Variants in UTS2 observed in about 807,000 individuals in gnomAD.
UTS2 encodes urotensin-2.
UTS2 carries 10 observed loss-of-function variants against 12.6 expected under a neutral mutation model. That is an observed-to-expected ratio of 0.80 (90% CI 0.49 to 1.35). The LOEUF (loss-of-function observed/expected upper bound fraction) is 1.35, where lower values mean the gene tolerates loss of function less well. Ranked by LOEUF, UTS2 falls within the 40% of genes most tolerant of loss-of-function variation. UTS2 has a pLI of 0.00. For synonymous variants in UTS2, 52 were observed against 50.0 expected, an observed-to-expected ratio of 1.04 and a Z score of -0.17; for missense variants, 142 against 143.2, an observed-to-expected ratio of 0.99 and a Z score of 0.04.
At chr1:7,895,097 G>A in the UTS2 span, among the ~76,000 whole-genome samples, 6 of 152,226 alleles carry the variant, frequency 3.9e-5, no homozygotes, top group South Asian at 2.1e-4. Flanking sequence ...GGCCTGGCAC[G>A]GTGGCTCACA....
chr1:7,907,521 A>T, the UTS2 span, among the ~76,000 whole-genome samples: 1 of 152,150 alleles, frequency 6.6e-6, no homozygotes, highest in South Asian at 2.1e-4. Context: ...AAAAAAATTT[A>T]AAAATTAGAA....
chr1:7,881,667 G>GGATC, the UTS2 span, among the ~76,000 whole-genome samples: 1 of 152,122 alleles, frequency 6.6e-6, no homozygotes. Flanking sequence ...TCATGTTCAT[G>GGATC]GATCAGAAGA....
chr1:7,891,589 AAAG>A, the UTS2 span, among the ~76,000 whole-genome samples: 3 of 150,994 alleles, frequency 2.0e-5, no homozygotes, highest in East Asian at 5.8e-4. Context: ...AGAAAGAAAG[AAAG>A]AAAGAAAATT....
chr1:7,890,373 G>C, the UTS2 span, among the ~76,000 whole-genome samples: 3 of 152,018 alleles, frequency 2.0e-5, no homozygotes, highest in African/African-American at 4.8e-5. Context: ...CTCTCCCTAA[G>C]GGCCATGGAC....
intron 3 of UTS2, among the ~76,000 whole-genome samples, chr1:7,848,602 C>A (rs149261904): frequency 6.6e-6 from 1 of 152,158 alleles, no homozygotes; most frequent in Non-Finnish European, 1.5e-5. Context: ...CTCACTGCAA[C>A]CCCCGCCTCC....
intron 1 of UTS2, among the ~76,000 whole-genome samples, chr1:7,852,393 GTCTATGAAC>G (rs1288612635): frequency 6.6e-6 from 1 of 152,172 alleles, no homozygotes; most frequent in African/African-American, 2.4e-5. Flanking sequence ...ATACTTGGAA[GTCTATGAAC>G]TCCCTAGTTC....
At chr1:7,862,591 G>A in the UTS2 span, among the ~76,000 whole-genome samples, 1 of 152,126 alleles carries the variant, frequency 6.6e-6, no homozygotes, top group African/African-American at 2.4e-5. Flanking sequence ...ATGGCAGAAG[G>A]CAAGGGGGAG....
the UTS2 span, among the ~76,000 whole-genome samples, chr1:7,889,284 T>G: frequency 2.2e-5 from 3 of 136,944 alleles, no homozygotes; most frequent in Non-Finnish European, 4.7e-5. Flanking sequence ...AAAAAAAAAT[T>G]TACAAAAACT....
At chr1:7,894,840 G>C in the UTS2 span, among the ~76,000 whole-genome samples, 1 of 151,962 alleles carries the variant, frequency 6.6e-6, no homozygotes, top group East Asian at 1.9e-4. Flanking sequence ...TTAGCCGGGA[G>C]TGGTGGCACA....
the UTS2 span, among the ~76,000 whole-genome samples, chr1:7,888,958 C>G: frequency 1.3e-5 from 2 of 152,086 alleles, no homozygotes; most frequent in Non-Finnish European, 2.9e-5. Context: ...GATTTCTTCA[C>G]CAGCAGATTG....
upstream of UTS2, among the ~76,000 whole-genome samples, chr1:7,856,174 G>T (rs774211394): frequency 6.9e-6 from 1 of 144,636 alleles, no homozygotes; most frequent in African/African-American, 2.6e-5. Context: ...AGGCAGACTC[G>T]ATAAATATTT....
chr1:7,903,022 TC>T, the UTS2 span, among the ~76,000 whole-genome samples: 32 of 69,156 alleles, frequency 4.6e-4, no homozygotes, highest in African/African-American at 3.6e-3. Flanking sequence ...TTCCCCTCCT[TC>T]CCCTCCTCCC....
chr1:7,912,161 T>A, the UTS2 span, among the ~76,000 whole-genome samples: 17 of 152,150 alleles, frequency 1.1e-4, no homozygotes, highest in South Asian at 3.3e-3. Context: ...TCAAGATAGA[T>A]CCCTAGTGGC....
chr1:7,885,823 T>C, the UTS2 span, among the ~76,000 whole-genome samples: 5 of 95,776 alleles, frequency 5.2e-5, no homozygotes, highest in Non-Finnish European at 1.0e-4. Context: ...AAAGGTGAGG[T>C]GGGGAAATCA....
chr1:7,899,181 C>T, the UTS2 span, among the ~76,000 whole-genome samples: 4 of 152,128 alleles, frequency 2.6e-5, no homozygotes, highest in Admixed American at 6.5e-5. Flanking sequence ...CCAATCACCT[C>T]CCACCAGGCC....
the UTS2 span, among the ~76,000 whole-genome samples, chr1:7,883,864 G>C: frequency 6.6e-6 from 1 of 151,254 alleles, no homozygotes; most frequent in Admixed American, 6.6e-5. Flanking sequence ...TTTTGAGATG[G>C]AGTTTTGCTC....
At chr1:7,896,590 T>G in the UTS2 span, among the ~76,000 whole-genome samples, 1 of 152,120 alleles carries the variant, frequency 6.6e-6, no homozygotes, top group Non-Finnish European at 1.5e-5. Flanking sequence ...GTAAAAATTT[T>G]TATAATATAG....
chr1:7,879,721 A>G, the UTS2 span, among the ~76,000 whole-genome samples: 1 of 150,052 alleles, frequency 6.7e-6, no homozygotes, highest in Middle Eastern at 3.4e-3. Context: ...GGCCTGGATG[A>G]TAGAGCAAGA....
chr1:7,858,610 T>A, the UTS2 span, among the ~76,000 whole-genome samples: 9 of 152,194 alleles, frequency 5.9e-5, no homozygotes, highest in Non-Finnish European at 1.0e-4. Context: ...AGAGTCTCAC[T>A]CTGTCGCCCA....
Sources: allele counts gnomAD v4.1 joint callset (sites outside exome capture counted in the v4.1 genomes callset), GRCh38; gene constraint gnomAD v4.1.1; transcripts MANE v1.5; gene names NCBI Gene and HGNC (gene_info 2026-07-23, HGNC 2026-07-21).